MAP2K5: variants seen among roughly 807,000 people sequenced by gnomAD.
MAP2K5 encodes mitogen-activated protein kinase kinase 5, also known as dual specificity mitogen-activated protein kinase kinase 5.
MAP2K5 carries 49 observed loss-of-function variants against 83.1 expected under a neutral mutation model. That is an observed-to-expected ratio of 0.59 (90% CI 0.47 to 0.75). The LOEUF (loss-of-function observed/expected upper bound fraction) is 0.75. Among genes scored for constraint, MAP2K5 ranks in the 30% least tolerant of loss-of-function variants. The pLI is 0.00. For synonymous variants in MAP2K5, 202 were observed against 191.8 expected (o/e 1.05, Z -0.44); for missense variants, 457 against 557.5 (o/e 0.82, Z 1.82).
intron 17 of MAP2K5, among the ~76,000 whole-genome samples, chr15:67,733,515 A>C (rs2089271284): frequency 1.3e-5 from 2 of 152,238 alleles, no homozygotes; most frequent in Admixed American, 1.3e-4. Context: ...TTGGGAAAAA[A>C]AAATACCATC....
chr15:67,574,193 G>A (rs558406516), intron 3 of MAP2K5, among the ~76,000 whole-genome samples: 11 of 152,298 alleles, frequency 7.2e-5, no homozygotes, highest in Middle Eastern at 3.4e-3. Flanking sequence ...GCCACTTAGG[G>A]GGCTGTTCCT....
intron 8 of MAP2K5, among the ~76,000 whole-genome samples, chr15:67,611,874 G>C (rs1480037860): frequency 6.6e-6 from 1 of 152,106 alleles, no homozygotes; most frequent in African/African-American, 2.4e-5. Flanking sequence ...GCTGTACTTT[G>C]AATTTTTATT....
chr15:67,601,678 G>T (rs1017168916), intron 8 of MAP2K5, among the ~76,000 whole-genome samples: 1 of 152,174 alleles, frequency 6.6e-6, no homozygotes, highest in Admixed American at 6.5e-5. Flanking sequence ...AGAATTTTAA[G>T]TTCTGACTAA....
At chr15:67,787,162 G>A (rs938310912) in intron 21 of MAP2K5, among the ~76,000 whole-genome samples, 7 of 152,198 alleles carry the variant, frequency 4.6e-5, no homozygotes, top group Non-Finnish European at 1.0e-4. Flanking sequence ...GACTGATTCC[G>A]CCTGCCCCTG....
Position 67,565,974 on chromosome 15 carries a change from C to T in MAP2K5, c.252+2624C>T, listed in dbSNP as rs77628442. ...TGAAATTTAAGGAGAACCATTTGGACGTAACCTTACAGTAGGTTTTGATTG... is the reference window on the plus strand; with the variant it reads ...TGAAATTTAAGGAGAACCATTTGGATGTAACCTTACAGTAGGTTTTGATTG... On this transcript the variant is annotated intron_variant, in intron 3 of 21. Coordinates refer to ENST00000178640, the MANE Select transcript of MAP2K5 (RefSeq NM_145160.3). The surrounding 1 kb of genome is among the most constrained non-coding windows in gnomAD (Gnocchi z 4.1). Among the ~76,000 whole-genome samples, 1,151 of 152,206 alleles carry T rather than the reference C, an allele frequency of 7.6e-3. 12 individuals carry two copies. The highest frequency in any genetic ancestry group is 0.025 in the African/African-American group (1,040 of 41,500).
At chr15:67,548,866 CT>C (rs2084448051) in intron 1 of MAP2K5, 1 of 393,266 alleles carries the variant, frequency 2.5e-6, no homozygotes, top group African/African-American at 2.1e-5. Context: ...CAAGGACTGC[CT>C]AAGATAGTCC....
chr15:67,570,474 A>G (rs1242976623), intron 3 of MAP2K5, among the ~76,000 whole-genome samples: 2 of 152,230 alleles, frequency 1.3e-5, no homozygotes, highest in Non-Finnish European at 2.9e-5. Flanking sequence ...GCAATGAGTT[A>G]TTGAGGAGTC....
At position 67,640,518 on chromosome 15, in the gene MAP2K5, G is replaced by A; in HGVS notation, c.586-5713G>A. 2.2e-6 allele frequency: 2 copies of A among 926,634 alleles called. No homozygotes were observed. The highest frequency in any genetic ancestry group is 1.8e-5 in the African/African-American group (1 of 56,242). 57.4% of individuals were successfully genotyped at this position (926,634 alleles called of 1,614,324 possible). On this transcript the variant is annotated intron_variant, in intron 9 of 21. Coordinates refer to ENST00000178640, the MANE Select transcript of MAP2K5 (RefSeq NM_145160.3). This position sits in a 1 kb window ranked among gnomAD's most constrained non-coding sequence, Gnocchi z 4.6. Reference sequence around the variant, plus strand: ...AAACGGGGCTGCCTGATGTCACAGAGGATTGTGAAGAGCAGCAAATCACAG... The same window carrying A: ...AAACGGGGCTGCCTGATGTCACAGAAGATTGTGAAGAGCAGCAAATCACAG...
chr15:67,648,932 T>C (rs1020691768), intron 11 of MAP2K5, among the ~76,000 whole-genome samples: 11 of 152,248 alleles, frequency 7.2e-5, no homozygotes, highest in African/African-American at 2.4e-4. Context: ...CTAGGTCATA[T>C]GGTAGCTTTA....
intron 19 of MAP2K5, among the ~76,000 whole-genome samples, chr15:67,754,317 T>G (rs1334060202): frequency 1.3e-5 from 2 of 152,236 alleles, no homozygotes; most frequent in African/African-American, 4.8e-5. Flanking sequence ...TGATGGCCTG[T>G]GTTTAGTTGC....
chr15:67,721,560 G>C (rs1350719059), intron 16 of MAP2K5, among the ~76,000 whole-genome samples: 1 of 152,126 alleles, frequency 6.6e-6, no homozygotes, highest in Non-Finnish European at 1.5e-5. Flanking sequence ...TGCAGACAGG[G>C]TCCTTTGCCA....
chr15:67,748,348 C>A lies in MAP2K5; in HGVS notation c.1101+91C>A. ...CTTGAATGCCTTGTTTTAAACTTAG[C>A]AAATTGCATTTTGAAGAAAATGCAA... On this transcript the variant is annotated intron_variant, in intron 18 of 21. Coordinates refer to ENST00000178640, the MANE Select transcript of MAP2K5 (RefSeq NM_145160.3). The surrounding 1 kb of genome is among the most constrained non-coding windows in gnomAD (Gnocchi z 4.0). 8.5e-7 allele frequency: 1 copy of A among 1,172,422 alleles called. No individual in the cohort carries two copies. The highest frequency in any genetic ancestry group is 1.3e-6 in the Non-Finnish European group (1 of 794,568). The allele number at this position is 1,172,422 out of a possible 1,614,324, so 72.6% of individuals were successfully genotyped here.
At chr15:67,603,675 A>G (rs193019387) in intron 8 of MAP2K5, among the ~76,000 whole-genome samples, 4 of 152,290 alleles carry the variant, frequency 2.6e-5, no homozygotes, top group East Asian at 3.9e-4. Flanking sequence ...GGCTTTTAGT[A>G]CAGTGCAAAG....
intron 13 of MAP2K5, among the ~76,000 whole-genome samples, chr15:67,682,595 A>G (rs1326948905): frequency 1.3e-5 from 2 of 150,454 alleles, no homozygotes; most frequent in African/African-American, 4.9e-5. Context: ...GCACTTTGGG[A>G]GGCCAAGGCA....
rs2084817725 is a variant in MAP2K5 at position 67,565,443 on chromosome 15, T to G, written c.252+2093T>G. ...CGGGGTTTCATCATGTTGGCCAGGC[T>G]GGTCTCAAACTCCTGACCCCGTGAT... is the stretch of plus-strand genomic sequence containing the variant. On this transcript the variant is annotated intron_variant, in intron 3 of 21. Coordinates refer to ENST00000178640, the MANE Select transcript of MAP2K5 (RefSeq NM_145160.3). The surrounding 1 kb of genome is among the most constrained non-coding windows in gnomAD (Gnocchi z 4.1). Among the ~76,000 whole-genome samples the G allele has an allele frequency of 6.6e-6, 1 of 152,182 alleles. No individual in the cohort carries two copies. Among genetic ancestry groups the G allele is most frequent in the African/African-American group, 2.4e-5 (1 of 41,438 alleles).
chr15:67,718,687 C>T (rs2088884600), intron 16 of MAP2K5, among the ~76,000 whole-genome samples: 1 of 152,124 alleles, frequency 6.6e-6, no homozygotes, highest in Admixed American at 6.5e-5. Flanking sequence ...TCGCTTGAAC[C>T]TGAGAGGTGG....
chr15:67,639,782 G>T (rs1171454550), intron 9 of MAP2K5, among the ~76,000 whole-genome samples: 4 of 152,158 alleles, frequency 2.6e-5, no homozygotes, highest in African/African-American at 9.7e-5. Context: ...TGCCTTATCT[G>T]AACTCAGGCA....
intron 17 of MAP2K5, among the ~76,000 whole-genome samples, chr15:67,739,751 G>T (rs62015169): frequency 0.041 from 6,287 of 151,818 alleles, 289 homozygotes; most frequent in African/African-American, 0.11. Context: ...AAAGTGCTAG[G>T]ATTACAGGCA....
chr15:67,795,215 C>T (rs911930656), intron 21 of MAP2K5, among the ~76,000 whole-genome samples: 1 of 152,122 alleles, frequency 6.6e-6, no homozygotes, highest in African/African-American at 2.4e-5. Flanking sequence ...CAATTTTGAT[C>T]ATCTTCATGA....
Sources: gnomAD v4.1 joint callset for allele counts (sites outside exome capture counted in the v4.1 genomes callset) on GRCh38, gnomAD v4.1.1 for gene constraint, Gnocchi (gnomAD v3.1) non-coding constraint, MANE v1.5 for transcripts, NCBI Gene and HGNC (gene_info 2026-07-23, HGNC 2026-07-21) for gene names.